Variants in NDUFAF2 observed in about 807,000 individuals in gnomAD.
NDUFAF2 encodes the protein NADH:ubiquinone oxidoreductase complex assembly factor 2.
Under a neutral mutation model 22.8 loss-of-function variants are expected in NDUFAF2, and 13 were observed. The ratio of observed to expected loss-of-function variants is 0.57; its 90% CI spans 0.37 to 0.91. NDUFAF2 has a LOEUF of 0.91. NDUFAF2 is among the 40% of genes least tolerant of loss of function. The pLI is 0.01. For missense variants in NDUFAF2, 162 were observed against 195.2 expected (o/e 0.83, Z 1.01); for synonymous variants, 53 against 64.2 (o/e 0.83, Z 0.84).
At chr5:61,045,405 G>A (rs889118541) in intron 1 of NDUFAF2, among the ~76,000 whole-genome samples, 1 of 150,112 alleles carries the variant, frequency 6.7e-6, no homozygotes, top group Non-Finnish European at 1.5e-5. Flanking sequence ...CAGGTTTTTT[G>A]CTGCCTTGAT....
chr5:61,038,988 A>G (rs1751837177), intron 1 of NDUFAF2, among the ~76,000 whole-genome samples: 1 of 152,004 alleles, frequency 6.6e-6, no homozygotes, highest in Non-Finnish European at 1.5e-5. Context: ...CTTCATTATT[A>G]CTTGCTAAAT....
intron 3 of NDUFAF2, among the ~76,000 whole-genome samples, chr5:61,150,063 C>A (rs372256508): frequency 6.6e-6 from 1 of 152,162 alleles, no homozygotes; most frequent in African/African-American, 2.4e-5. Flanking sequence ...TCCCGAGTAG[C>A]TGGGACTACA....
chr5:61,113,538 A>C (rs1274161429), intron 3 of NDUFAF2, among the ~76,000 whole-genome samples: 1 of 152,080 alleles, frequency 6.6e-6, no homozygotes, highest in Non-Finnish European at 1.5e-5. Flanking sequence ...ATTGCATCAT[A>C]GGGGTGGTTA....
intron 1 of NDUFAF2, among the ~76,000 whole-genome samples, chr5:61,007,094 T>G (rs1751377169): frequency 6.6e-6 from 1 of 152,230 alleles, no homozygotes; most frequent in Admixed American, 6.5e-5. Context: ...GTAGTTTCTT[T>G]TGCTGTGCAG....
intron 1 of NDUFAF2, among the ~76,000 whole-genome samples, chr5:61,028,812 A>C (rs1332878771): frequency 1.3e-5 from 2 of 152,132 alleles, no homozygotes; most frequent in Non-Finnish European, 2.9e-5. Context: ...CATTCTCACC[A>C]ACAATGTAGG....
In NDUFAF2 at chr5:60,997,274, T is replaced by A. The variant is rs1319855932; in HGVS notation, c.127+51892T>A. 5.9e-5 allele frequency among the ~76,000 whole-genome samples: 9 copies of A among 152,218 alleles called. No homozygotes were observed. In the East Asian group the frequency reaches 1.7e-3, roughly 29 times the overall value. On this transcript the variant is annotated intron_variant, in intron 1 of 3. Transcript: ENST00000296597. ...TCATTATAGTTTCTAGTCAGTCCCT[T>A]TTGTAACTCATTAAAAAGGTCTGTC...
At chr5:60,964,474 C>T (rs1056891777) in intron 1 of NDUFAF2, among the ~76,000 whole-genome samples, 13 of 149,472 alleles carry the variant, frequency 8.7e-5, no homozygotes, top group East Asian at 2.0e-4. Flanking sequence ...TTTTGGAGAC[C>T]GAGTCTCACT....
chr5:61,077,941 C>T (rs1752390340), intron 2 of NDUFAF2, among the ~76,000 whole-genome samples: 1 of 152,036 alleles, frequency 6.6e-6, no homozygotes, highest in South Asian at 2.1e-4. Flanking sequence ...AGATTTGAAC[C>T]CAAATTATCT....
At chr5:61,085,500 A>G (rs1205548344) in intron 2 of NDUFAF2, among the ~76,000 whole-genome samples, 7 of 152,176 alleles carry the variant, frequency 4.6e-5, no homozygotes, top group African/African-American at 1.4e-4. Context: ...AGACAAGGAT[A>G]TCTTCTTTGA....
intron 1 of NDUFAF2, among the ~76,000 whole-genome samples, chr5:61,028,785 A>G (rs1478541333): frequency 1.3e-5 from 2 of 152,164 alleles, no homozygotes; most frequent in Non-Finnish European, 2.9e-5. Flanking sequence ...ACTTTCCAAA[A>G]AGACCTTAGC....
chr5:61,083,656 G>A (rs898115615), intron 2 of NDUFAF2, among the ~76,000 whole-genome samples: 1 of 147,778 alleles, frequency 6.8e-6, no homozygotes, highest in African/African-American at 2.4e-5. Flanking sequence ...GGGATTACAG[G>A]TGTGAGCCAC....
At chr5:61,004,357 A>G (rs1481842341) in intron 1 of NDUFAF2, among the ~76,000 whole-genome samples, 5 of 152,096 alleles carry the variant, frequency 3.3e-5, no homozygotes, top group African/African-American at 1.2e-4. Flanking sequence ...GATAACACTT[A>G]AAAAACTGAA....
chr5:61,028,415 T>C (rs1580102104), intron 1 of NDUFAF2, among the ~76,000 whole-genome samples: 1 of 152,092 alleles, frequency 6.6e-6, no homozygotes, highest in South Asian at 2.1e-4. Flanking sequence ...TAAGATTTTC[T>C]GGAAGGGGTA....
At chr5:61,144,565 C>T (rs958636479) in intron 3 of NDUFAF2, among the ~76,000 whole-genome samples, 2 of 152,052 alleles carry the variant, frequency 1.3e-5, no homozygotes, top group Non-Finnish European at 2.9e-5. Flanking sequence ...ATGTTCACTC[C>T]CACACCTCTG....
chr5:61,064,192 C>T (rs1391387126), intron 1 of NDUFAF2, among the ~76,000 whole-genome samples: 1 of 152,014 alleles, frequency 6.6e-6, no homozygotes, highest in Non-Finnish European at 1.5e-5. Flanking sequence ...ATGAAGAGGA[C>T]ATAACCATTG....
chr5:61,036,439 C>T (rs1318250570), intron 1 of NDUFAF2, among the ~76,000 whole-genome samples: 1 of 152,196 alleles, frequency 6.6e-6, no homozygotes, highest in East Asian at 1.9e-4. Flanking sequence ...AAAACAAATT[C>T]ATTGCCTATT....
intron 3 of NDUFAF2, among the ~76,000 whole-genome samples, chr5:61,105,823 G>A (rs1178425998): frequency 1.3e-5 from 2 of 151,370 alleles, no homozygotes; most frequent in African/African-American, 4.9e-5. Context: ...TCATAGAAAC[G>A]TGAGTATGCA....
At chr5:61,133,957 C>G (rs1753143199) in intron 3 of NDUFAF2, among the ~76,000 whole-genome samples, 1 of 152,140 alleles carries the variant, frequency 6.6e-6, no homozygotes, top group Non-Finnish European at 1.5e-5. Flanking sequence ...TAAAAATTAT[C>G]TGGTGAAAAT....
chr5:60,964,042 A>G (rs2112569207), intron 1 of NDUFAF2, among the ~76,000 whole-genome samples: 1 of 152,336 alleles, frequency 6.6e-6, no homozygotes, highest in Non-Finnish European at 1.5e-5. Flanking sequence ...TTATGATTTT[A>G]AAAGGATTGC....
Sources: gnomAD v4.1 joint callset for allele counts (sites outside exome capture counted in the v4.1 genomes callset) on GRCh38, gnomAD v4.1.1 for gene constraint, MANE v1.5 for transcripts, NCBI Gene and HGNC (gene_info 2026-07-23, HGNC 2026-07-21) for gene names.